MCPH1: variants seen among roughly 807,000 people sequenced by gnomAD.
MCPH1 encodes microcephalin 1, also known as microcephalin.
MCPH1 carries 104 observed loss-of-function variants against 84.5 expected under a neutral mutation model. The ratio of observed to expected loss-of-function variants is 1.23; its 90% CI spans 1.05 to 1.45. The LOEUF is 1.45. Among genes scored for constraint, MCPH1 ranks in the 40% most tolerant of loss-of-function variants. The pLI is 0.00. For missense variants in MCPH1, 1,498 were observed against 1,005.7 expected (o/e 1.49, Z -6.62); for synonymous variants, 514 against 366.8 (o/e 1.40, Z -4.58).
At chr8:6,576,828 G>A (rs975063694) in intron 12 of MCPH1, among the ~76,000 whole-genome samples, 5 of 151,312 alleles carry the variant, frequency 3.3e-5, no homozygotes, top group African/African-American at 1.2e-4. Context: ...CTCCTAAAGT[G>A]CTGGGAGAGG....
intron 12 of MCPH1, among the ~76,000 whole-genome samples, chr8:6,602,714 T>C (rs747045740): frequency 6.6e-5 from 10 of 152,126 alleles, no homozygotes; most frequent in African/African-American, 1.4e-4. Flanking sequence ...ACAGATCTTA[T>C]CATCTCCTTC....
intron 12 of MCPH1, among the ~76,000 whole-genome samples, chr8:6,511,565 C>G (rs189132068): frequency 6.6e-6 from 1 of 152,282 alleles, no homozygotes; most frequent in East Asian, 1.9e-4. Context: ...AAAAAAATCC[C>G]TTACATGCTG....
chr8:6,478,342 G>T (rs563360203), intron 10 of MCPH1, among the ~76,000 whole-genome samples: 1 of 152,160 alleles, frequency 6.6e-6, no homozygotes, highest in Non-Finnish European at 1.5e-5. Context: ...AGTGAAAAAG[G>T]GGGTCACTCA....
intron 12 of MCPH1, among the ~76,000 whole-genome samples, chr8:6,503,842 C>T (rs927861564): frequency 2.0e-5 from 3 of 152,210 alleles, no homozygotes; most frequent in African/African-American, 7.2e-5. Flanking sequence ...AGCACAGGGG[C>T]TGTGGGAGTG....
chr8:6,416,729 C>G (rs1417017231), intron 3 of MCPH1, among the ~76,000 whole-genome samples: 1 of 152,144 alleles, frequency 6.6e-6, no homozygotes, highest in Non-Finnish European at 1.5e-5. Flanking sequence ...TGCGGTGGCT[C>G]ACACCTGTAA....
At chr8:6,612,185 C>T (rs552385596) in intron 12 of MCPH1, among the ~76,000 whole-genome samples, 8 of 152,266 alleles carry the variant, frequency 5.3e-5, no homozygotes, top group African/African-American at 1.9e-4. Flanking sequence ...GGCTCACTGC[C>T]AGGAACCCGG....
chr8:6,532,031 C>G (rs915593418), intron 12 of MCPH1, among the ~76,000 whole-genome samples: 1 of 152,142 alleles, frequency 6.6e-6, no homozygotes, highest in African/African-American at 2.4e-5. Context: ...CCAGAAAGCA[C>G]CAGGGAGACA....
chr8:6,414,801 A>T lies in MCPH1; in HGVS notation c.151A>T (p.Ile51Phe). Residue 51 changes from isoleucine (I) to phenylalanine (F), a missense_variant, in exon 3 of 14, where the codon ATC becomes TTC. Transcript: ENST00000344683. ...TTTTAACAAACAAGTAACTCACGTT[A>T]TCTTCAAAGATGGCTACCAGAGCAC... is the stretch of plus-strand genomic sequence containing the variant. ...KTFNKQVTHV[I>F]FKDGYQSTWD... 2.5e-6 allele frequency: 4 copies of T among 1,613,902 alleles called. No individual in the cohort carries two copies. Among genetic ancestry groups the T allele is most frequent in the Non-Finnish European group, 3.4e-6 (4 of 1,179,884 alleles).
At chr8:6,619,601 T>TTAGA (rs2129580455) in intron 12 of MCPH1, among the ~76,000 whole-genome samples, 1 of 151,308 alleles carries the variant, frequency 6.6e-6, no homozygotes, top group East Asian at 2.0e-4. Context: ...TTTTTTTTCT[T>TTAGA]TAGATAGAGT....
At chr8:6,470,674 T>A (rs1807602439) in intron 9 of MCPH1, among the ~76,000 whole-genome samples, 1 of 152,252 alleles carries the variant, frequency 6.6e-6, no homozygotes, top group South Asian at 2.1e-4. Context: ...AGTAAACCCA[T>A]GAGTAACTCA....
chr8:6,547,388 C>T (rs1308848153), intron 12 of MCPH1, among the ~76,000 whole-genome samples: 3 of 152,048 alleles, frequency 2.0e-5, no homozygotes, highest in African/African-American at 7.2e-5. Flanking sequence ...GTGTCTCTTG[C>T]AATGGAAGCT....
intron 3 of MCPH1, among the ~76,000 whole-genome samples, chr8:6,416,484 T>G (rs1344252146): frequency 6.6e-6 from 1 of 152,218 alleles, no homozygotes; most frequent in African/African-American, 2.4e-5. Context: ...ACGTTCCCAT[T>G]CCCTTCTGTT....
Position 6,645,720 on chromosome 8 carries a change from T to G in MCPH1, c.*2671T>G, listed in dbSNP as rs1034829431. ...ATATACAAACCTAACAGAATTGTATTTATATATACTGTCAATAAGCAATTC... is the reference window on the plus strand; with the variant it reads ...ATATACAAACCTAACAGAATTGTATGTATATATACTGTCAATAAGCAATTC... On this transcript the variant is annotated 3_prime_UTR_variant, in exon 14 of 14. Transcript: ENST00000344683. 1 of 151,918 alleles carries G rather than the reference T, an allele frequency of 6.6e-6. No homozygotes were observed. Among genetic ancestry groups the G allele is most frequent in the African/African-American group, 2.4e-5 (1 of 41,374 alleles). The allele number at this position is 151,918 out of a possible 1,614,324, so 9.4% of individuals were successfully genotyped here.
chr8:6,604,589 C>G (rs573909442), intron 12 of MCPH1, among the ~76,000 whole-genome samples: 1 of 152,384 alleles, frequency 6.6e-6, no homozygotes, highest in East Asian at 1.9e-4. Flanking sequence ...ACTGCAATCT[C>G]TGCCTTTCAG....
At chr8:6,629,663 G>A (rs1244823247) in intron 13 of MCPH1, among the ~76,000 whole-genome samples, 1 of 152,126 alleles carries the variant, frequency 6.6e-6, no homozygotes, top group East Asian at 1.9e-4. Flanking sequence ...ATACATGTCT[G>A]CTGTTTAAGC....
rs141450870 is a variant in MCPH1 at position 6,476,935 on chromosome 8, T to G, written c.1936-659T>G. Among the ~76,000 whole-genome samples the G allele has an allele frequency of 3.3e-5, 5 of 152,332 alleles. No individual in the cohort carries two copies. In the East Asian group the frequency reaches 9.6e-4, roughly 29 times the overall value. ...ATACTGCCAAATTGTTAAACAATAG[T>G]CATTTCTAGCTGGTGGAATTACAGG... is the stretch of plus-strand genomic sequence containing the variant. On this transcript the variant is annotated intron_variant, in intron 9 of 13. Transcript: ENST00000344683.
At chr8:6,428,565 C>A (rs538283842) in intron 3 of MCPH1, among the ~76,000 whole-genome samples, 1 of 152,390 alleles carries the variant, frequency 6.6e-6, no homozygotes, top group South Asian at 2.1e-4. Flanking sequence ...TACTTTCTTT[C>A]TCTGTGGATT....
intron 9 of MCPH1, among the ~76,000 whole-genome samples, chr8:6,468,383 C>G (rs1464361409): frequency 2.6e-5 from 4 of 152,156 alleles, no homozygotes; most frequent in African/African-American, 9.7e-5. Flanking sequence ...CACACCCAGA[C>G]CGCAGGCTTA....
chr8:6,482,885 G>A (rs187718378), intron 11 of MCPH1, among the ~76,000 whole-genome samples: 92 of 152,188 alleles, frequency 6.0e-4, no homozygotes, highest in Admixed American at 1.7e-3. Flanking sequence ...AAGAACCTGG[G>A]GCACTCAGAC....
Sources: gnomAD v4.1 joint callset for allele counts (sites outside exome capture counted in the v4.1 genomes callset) on GRCh38, gnomAD v4.1.1 for gene constraint, MANE v1.5 for transcripts, NCBI Gene and HGNC (gene_info 2026-07-23, HGNC 2026-07-21) for gene names.